The following SORCS1 variants were observed in gnomAD, a reference collection of about 807,000 sequenced individuals.
SORCS1 encodes VPS10 domain-containing receptor SorCS1.
A neutral mutation model predicts 146.1 loss-of-function variants in SORCS1; 60 were observed. The ratio of observed to expected loss-of-function variants is 0.41; its 90% confidence interval spans 0.33 to 0.51. The LOEUF (loss-of-function observed/expected upper bound fraction) is 0.51, where lower values mean the gene tolerates loss of function less well. SORCS1 is among the 20% of genes least tolerant of loss of function. The probability of loss-of-function intolerance (pLI) is 0.21; values close to 1 mark genes in which losing one functional copy is unlikely to be tolerated. For missense variants in SORCS1, 1,352 were observed against 1,487.6 expected, an observed-to-expected ratio of 0.91 and a Z score of 1.50; for synonymous variants, 637 against 584.0, an observed-to-expected ratio of 1.09 and a Z score of -1.31.
chr10:106,975,049 C>G (rs1272403508), intron 1 of SORCS1, among the ~76,000 whole-genome samples: 1 of 152,168 alleles, frequency 6.6e-6, no homozygotes, highest in African/African-American at 2.4e-5. Flanking sequence ...ACACAGAAGG[C>G]CAAAGGCTTG....
chr10:106,800,477 T>C lies in SORCS1; in HGVS notation c.727-23785A>G, dbSNP rs138451497. Among the ~76,000 whole-genome samples the C allele has an allele frequency of 7.3e-5, 11 of 151,188 alleles. No individual in the cohort carries two copies. The East Asian group carries it at 2.1e-3, about 29-fold the overall frequency. On this transcript the variant is annotated intron_variant, in intron 3 of 25. Coordinates refer to ENST00000263054, the MANE Select transcript of SORCS1 (RefSeq NM_052918.5). ...ACCAACATACCATCAACAGCAGAGATTGAGGGGCCAAAAGATACATAGGTT... is the reference window on the plus strand; with the variant it reads ...ACCAACATACCATCAACAGCAGAGACTGAGGGGCCAAAAGATACATAGGTT...
intron 3 of SORCS1, among the ~76,000 whole-genome samples, chr10:106,801,568 T>G (rs372590236): frequency 5.5e-4 from 80 of 144,604 alleles, no homozygotes; most frequent in Middle Eastern, 3.5e-3. Flanking sequence ...TCGCTCTGTC[T>G]CCCAGGCTGG....
intron 1 of SORCS1, among the ~76,000 whole-genome samples, chr10:106,985,561 T>G (rs111469733): frequency 0.22 from 32,853 of 147,678 alleles, 4,416 homozygotes; most frequent in Middle Eastern, 0.33. Context: ...TTTTTTGAGA[T>G]AGTCTCACCC....
intron 6 of SORCS1, among the ~76,000 whole-genome samples, chr10:106,725,559 A>AAAATAAATAAATAAAT (rs71025549): frequency 0.057 from 8,285 of 144,542 alleles, 243 homozygotes; most frequent in Middle Eastern, 0.079. Flanking sequence ...CACATACACA[A>AAAATAAATAAATAAAT]AAATAAATAA....
At chr10:107,022,092 C>A (rs1958176040) in intron 1 of SORCS1, among the ~76,000 whole-genome samples, 1 of 152,064 alleles carries the variant, frequency 6.6e-6, no homozygotes, top group South Asian at 2.1e-4. Context: ...TCCCTCATTT[C>A]CAGGATGGAG....
At chr10:106,607,439 G>C (rs868211267) in intron 22 of SORCS1, 142 bp from the exon 23 acceptor site, 33 of 1,099,594 alleles carry the variant, frequency 3.0e-5, no homozygotes, top group Middle Eastern at 3.0e-4. Flanking sequence ...ATCAGGCAGG[G>C]AGTATGTGAG....
At chr10:106,605,041 C>G (rs900443966) in intron 23 of SORCS1, among the ~76,000 whole-genome samples, 2 of 152,208 alleles carry the variant, frequency 1.3e-5, no homozygotes, top group Admixed American at 6.5e-5. Flanking sequence ...TTACGTAAAC[C>G]TGTGTTCTAA....
intron 22 of SORCS1, among the ~76,000 whole-genome samples, chr10:106,611,098 G>A (rs1846954760): frequency 6.6e-6 from 1 of 151,746 alleles, no homozygotes; most frequent in Admixed American, 6.6e-5. Flanking sequence ...AAAAAAAAAA[G>A]TAGAACAAGG....
At chr10:106,582,943 G>A (rs1341917874) in intron 24 of SORCS1, among the ~76,000 whole-genome samples, 2 of 152,172 alleles carry the variant, frequency 1.3e-5, no homozygotes, top group African/African-American at 4.8e-5. Flanking sequence ...AATGGTTATA[G>A]TTGTATGTAT....
chr10:107,062,732 C>G (rs182265555), intron 1 of SORCS1, among the ~76,000 whole-genome samples: 1 of 152,116 alleles, frequency 6.6e-6, no homozygotes, highest in East Asian at 1.9e-4. Flanking sequence ...CCTCTATTAC[C>G]TCCTTTCCTC....
chr10:106,590,923 G>A (rs1845565700), intron 24 of SORCS1, among the ~76,000 whole-genome samples: 1 of 152,136 alleles, frequency 6.6e-6, no homozygotes, highest in Non-Finnish European at 1.5e-5. Context: ...CCAAAGTGCT[G>A]GTATTACAGG....
At chr10:106,766,558 A>C (rs1442017440) in intron 4 of SORCS1, among the ~76,000 whole-genome samples, 1 of 152,162 alleles carries the variant, frequency 6.6e-6, no homozygotes, top group African/African-American at 2.4e-5. Context: ...GGAGGGGGCC[A>C]CGACCCATGC....
chr10:106,719,021 A>C lies in SORCS1; in HGVS notation c.1025-9680T>G, dbSNP rs553323631. On this transcript the variant is annotated intron_variant, in intron 6 of 25. Coordinates refer to ENST00000263054, the MANE Select transcript of SORCS1 (RefSeq NM_052918.5). ...TTTACAAACCTTTAGCTAGACACAAAAGTTCTCCAAGTCCCCACCCAATCC... is the reference window on the plus strand; with the variant it reads ...TTTACAAACCTTTAGCTAGACACAACAGTTCTCCAAGTCCCCACCCAATCC... Among the ~76,000 whole-genome samples, 16 of 152,338 alleles carry C rather than the reference A, an allele frequency of 1.1e-4. No individual in the cohort carries two copies. The South Asian group carries it at 3.3e-3, about 32-fold the overall frequency.
At chr10:106,879,816 C>T (rs1950743411) in intron 2 of SORCS1, among the ~76,000 whole-genome samples, 2 of 152,250 alleles carry the variant, frequency 1.3e-5, no homozygotes, top group South Asian at 4.2e-4. Context: ...GTGCCAATAA[C>T]CTGAATCAGC....
chr10:106,604,856 T>A (rs1228680963), intron 23 of SORCS1, among the ~76,000 whole-genome samples: 1 of 152,202 alleles, frequency 6.6e-6, no homozygotes, highest in Non-Finnish European at 1.5e-5. Flanking sequence ...ATATCTCCAG[T>A]GAACATTTTA....
intron 1 of SORCS1, among the ~76,000 whole-genome samples, chr10:107,048,062 C>T (rs536873402): frequency 4.6e-5 from 7 of 152,028 alleles, no homozygotes; most frequent in South Asian, 4.2e-4. Flanking sequence ...CACTCCTAGG[C>T]GACAGAATGA....
chr10:106,863,075 A>C (rs1216785624), intron 2 of SORCS1, among the ~76,000 whole-genome samples: 1 of 146,784 alleles, frequency 6.8e-6, no homozygotes, highest in Non-Finnish European at 1.5e-5. Flanking sequence ...TTTCCCCCCA[A>C]ACAAACAAAC....
chr10:107,151,051 T>G (rs373613584), intron 1 of SORCS1, among the ~76,000 whole-genome samples: 4 of 152,188 alleles, frequency 2.6e-5, no homozygotes, highest in African/African-American at 9.6e-5. Context: ...TGGAACTGGG[T>G]AGCAGGCAGA....
At chr10:106,954,822 C>A (rs1000237359) in intron 2 of SORCS1, among the ~76,000 whole-genome samples, 1 of 152,220 alleles carries the variant, frequency 6.6e-6, no homozygotes, top group African/African-American at 2.4e-5. Context: ...CACGTTGGGA[C>A]TACCCGCCTT....
Sources: allele counts gnomAD v4.1 joint callset (sites outside exome capture counted in the v4.1 genomes callset), GRCh38; gene constraint gnomAD v4.1.1; transcripts MANE v1.5; gene names NCBI Gene and HGNC (gene_info 2026-07-23, HGNC 2026-07-21).